PLEKHA8: variants seen among roughly 807,000 people sequenced by gnomAD.
PLEKHA8 encodes pleckstrin homology domain containing A8.
In PLEKHA8, 36 loss-of-function variants were observed where a neutral mutation model predicts 68.2. That is an observed-to-expected ratio of 0.53 (90% confidence interval 0.40 to 0.70). PLEKHA8 has a LOEUF of 0.70. Ranked by LOEUF, PLEKHA8 falls within the 30% of genes least tolerant of loss-of-function variation. PLEKHA8 has a pLI of 0.00. For synonymous variants in PLEKHA8, 211 were observed against 216.1 expected (o/e 0.98, Z 0.20); for missense variants, 505 against 615.4 (o/e 0.82, Z 1.90).
chr7:30,049,876 G>A (rs754571416), intron 5 of PLEKHA8, among the ~76,000 whole-genome samples: 26 of 152,086 alleles, frequency 1.7e-4, no homozygotes, highest in Non-Finnish European at 3.8e-4. Flanking sequence ...CCTTTGTGCC[G>A]TTTTCCAGTG....
At chr7:30,118,638 C>T (rs375826080) in intron 13 of PLEKHA8, among the ~76,000 whole-genome samples, 264 of 150,702 alleles carry the variant, frequency 1.8e-3, no homozygotes, top group African/African-American at 6.1e-3. Context: ...AGTGCAGTGG[C>T]GCGATCTCGG....
intron 8 of PLEKHA8, 30 bp downstream of exon 8, chr7:30,054,895 C>G (rs1386821390): frequency 1.3e-6 from 2 of 1,553,126 alleles, no homozygotes; most frequent in African/African-American, 2.7e-5. Flanking sequence ...ATCACTGATG[C>G]TTGGATACTA....
downstream of PLEKHA8, among the ~76,000 whole-genome samples, chr7:30,093,813 CA>C (rs1211946395): frequency 2.0e-5 from 3 of 152,220 alleles, no homozygotes; most frequent in African/African-American, 7.2e-5. Context: ...GCTTCCTTCT[CA>C]TCTTCCTGGG....
rs1207727911 is a variant in PLEKHA8, at chr7:30,044,956, G to GA, written c.41-127dup. 5.5e-6 allele frequency: 3 copies of GA among 548,946 alleles called. No homozygotes were observed. In the African/African-American group the frequency reaches 5.8e-5, roughly 11 times the overall value. The allele number at this position is 548,946 out of a possible 1,614,324, so 34.0% of individuals were successfully genotyped here. The stretch of plus-strand genomic sequence containing the variant: ...CTTTCTAACTTAATTCTTTCTCTTA[G>GA]AATATCCCTGGCAATGTAAAGCTCC... On this transcript the variant is annotated intron_variant, in intron 1 of 13. Coordinates refer to ENST00000449726, the MANE Select transcript of PLEKHA8 (RefSeq NM_001197026.2).
At chr7:30,043,681 A>G (rs376833815) in intron 1 of PLEKHA8, among the ~76,000 whole-genome samples, 11 of 152,200 alleles carry the variant, frequency 7.2e-5, no homozygotes, top group African/African-American at 2.2e-4. Flanking sequence ...ACTCCTTCAC[A>G]TAGATTTAGT....
rs376408927 is a variant in PLEKHA8, at chr7:30,045,707, CTT to C, written c.158-501_158-500del. Among the ~76,000 whole-genome samples, 4 of 152,264 alleles carry C rather than the reference CTT, an allele frequency of 2.6e-5. No individual in the cohort carries two copies. The South Asian group carries it at 8.3e-4, about 32-fold the overall frequency. On this transcript the variant is annotated intron_variant, in intron 2 of 13. Transcript: ENST00000449726. ...TTAGGTAGTGGATGTGGGTGAAAGA[CTT>C]TGGTTTGCTTGTTTCTTCTCCTAAA...
intron 13 of PLEKHA8, 113 bp from the exon 14 acceptor site, chr7:30,078,477 C>G: frequency 8.7e-7 from 1 of 1,144,856 alleles, no homozygotes. Context: ...TACTCTTGCT[C>G]TTCTCAGCTG....
chr7:30,074,282 T>A (rs1794470753), intron 13 of PLEKHA8, 150 bp downstream of exon 13: 7 of 497,772 alleles, frequency 1.4e-5, no homozygotes, highest in Non-Finnish European at 2.4e-5. Flanking sequence ...GTATGTGTGG[T>A]GTTTTTGTTT....
At chr7:30,070,082 A>G (rs1162316980) in intron 12 of PLEKHA8, among the ~76,000 whole-genome samples, 1 of 151,890 alleles carries the variant, frequency 6.6e-6, no homozygotes, top group Non-Finnish European at 1.5e-5. Flanking sequence ...TCAGTCTCAC[A>G]TGGCAGGGAT....
chr7:30,110,993 A>G (rs1796256164), intron 13 of PLEKHA8, among the ~76,000 whole-genome samples: 1 of 150,070 alleles, frequency 6.7e-6, no homozygotes, highest in South Asian at 2.1e-4. Context: ...CAACCTCTGC[A>G]TCCTGGGCTC....
chr7:30,040,478 A>G (rs534303154), intron 1 of PLEKHA8, among the ~76,000 whole-genome samples: 1 of 152,308 alleles, frequency 6.6e-6, no homozygotes, highest in South Asian at 2.1e-4. Context: ...AAAGTCCCAG[A>G]ATTGTCTCCG....
chr7:30,058,471 C>CTTT (rs79972069), intron 9 of PLEKHA8, among the ~76,000 whole-genome samples: 1 of 125,248 alleles, frequency 8.0e-6, no homozygotes, highest in Non-Finnish European at 1.8e-5. Context: ...AGTTGAGGTT[C>CTTT]TTTTTTTTTT....
chr7:30,105,152 A>G (rs926152135), intron 13 of PLEKHA8, among the ~76,000 whole-genome samples: 1 of 152,000 alleles, frequency 6.6e-6, no homozygotes, highest in Non-Finnish European at 1.5e-5. Context: ...CCCAGTATGT[A>G]AATTATTTTA....
chr7:30,036,931 A>G (rs1791144822), intron 1 of PLEKHA8, among the ~76,000 whole-genome samples: 1 of 152,158 alleles, frequency 6.6e-6, no homozygotes, highest in Non-Finnish European at 1.5e-5. Flanking sequence ...CCTAGCTACA[A>G]CAGAACTCTT....
downstream of PLEKHA8, among the ~76,000 whole-genome samples, chr7:30,089,009 AC>A (rs1201198732): frequency 6.6e-5 from 10 of 151,904 alleles, no homozygotes. Flanking sequence ...TAAGAGACAA[AC>A]CCACATTCCA....
At chr7:30,108,181 C>A (rs1299209759) in intron 13 of PLEKHA8, among the ~76,000 whole-genome samples, 1 of 151,624 alleles carries the variant, frequency 6.6e-6, no homozygotes, top group Non-Finnish European at 1.5e-5. Flanking sequence ...CTTTAACCAT[C>A]CTTGCATTCC....
chr7:30,046,374 T>C lies in PLEKHA8; in HGVS notation c.313+9T>C. On this transcript the variant is annotated intron_variant, in intron 3 of 13. Coordinates refer to ENST00000449726, the MANE Select transcript of PLEKHA8 (RefSeq NM_001197026.2). ...GACCCAGAAGGAGAAAGGCAAGTAC[T>C]GATTGTCCTTTGCTGTGGAAACCTT... is the stretch of plus-strand genomic sequence containing the variant. 6.3e-7 allele frequency: 1 copy of C among 1,583,978 alleles called. No homozygotes were observed. The highest frequency in any genetic ancestry group is 8.6e-7 in the Non-Finnish European group (1 of 1,166,488).
chr7:30,116,044 A>G lies in PLEKHA8; in HGVS notation c.1363-13222A>G, dbSNP rs552044052. On this transcript the variant is annotated intron_variant, in intron 13 of 13. Transcript: ENST00000396257. ...CATACGTATACATACATGTGCGCATACGCATACATACGTATGCATACGTAT... is the reference window on the plus strand; with the variant it reads ...CATACGTATACATACATGTGCGCATGCGCATACATACGTATGCATACGTAT... 8 of 149,844 alleles carry G rather than the reference A, an allele frequency of 5.3e-5. No individual in the cohort carries two copies. In the South Asian group the frequency reaches 6.3e-4, roughly 12 times the overall value. 9.3% of individuals were successfully genotyped at this position (149,844 alleles called of 1,614,324 possible).
intron 13 of PLEKHA8, chr7:30,116,070 A>C (rs572051777): frequency 6.8e-6 from 1 of 146,186 alleles, no homozygotes; most frequent in East Asian, 1.9e-4. Context: ...GCATACGTAT[A>C]CATGTATACA....
Sources: gnomAD v4.1 joint callset for allele counts (sites outside exome capture counted in the v4.1 genomes callset) on GRCh38, gnomAD v4.1.1 for gene constraint, MANE v1.5 for transcripts, NCBI Gene and HGNC (gene_info 2026-07-23, HGNC 2026-07-21) for gene names.